Variants in NCBP1 observed in about 807,000 individuals in gnomAD.
NCBP1 encodes nuclear cap binding protein subunit 1.
Under a neutral mutation model 111.7 loss-of-function variants are expected in NCBP1, and 16 were observed. The ratio of observed to expected loss-of-function variants is 0.14; its 90% CI spans 0.10 to 0.22. NCBP1 has a LOEUF of 0.22. Among genes scored for constraint, NCBP1 ranks in the 10% least tolerant of loss-of-function variants. NCBP1 has a pLI of 1.00. For synonymous variants in NCBP1, 304 were observed against 314.3 expected, an observed-to-expected ratio of 0.97 and a Z score of 0.35; for missense variants, 607 against 957.5, an observed-to-expected ratio of 0.63 and a Z score of 4.83.
chr9:97,640,724 A>C, intron 1 of NCBP1, 70 bp from the exon 2 acceptor site: 1 of 1,220,446 alleles, frequency 8.2e-7, no homozygotes, highest in Admixed American at 2.0e-5. Context: ...ATTATAACCT[A>C]AAAAGGTTAA....
rs199768033 is a variant in NCBP1, at chr9:97,641,623, C to G, written c.185C>G (p.Pro62Arg). ...GCTGGTGTTTTGGAAGCTGATCTTC[C>G]TAACTACAAGAGCAAGATCTTAAGG... is the stretch of plus-strand genomic sequence containing the variant. ...GLAGVLEADLPNYKSKILRLL... is the reference protein window; with the variant it reads ...GLAGVLEADLRNYKSKILRLL... The change falls in exon 3 of 23, where the codon CCT (proline) becomes CGT (arginine). Residue 62 changes from proline (P) to arginine (R), a missense_variant. This residue lies in a region of NCBP1 where 185 missense variants were observed against 272.0 expected (regional missense o/e 0.68). Transcript: ENST00000375147. 3 of 1,609,728 alleles carry G rather than the reference C, an allele frequency of 1.9e-6. No individual in the cohort carries two copies. The highest frequency in any genetic ancestry group is 2.5e-6 in the Non-Finnish European group (3 of 1,176,572).
Position 97,666,821 on chromosome 9 carries a change from A to G in NCBP1, c.1960A>G (p.Lys654Glu), listed in dbSNP as rs2131367766. 6.2e-7 allele frequency: 1 copy of G among 1,610,804 alleles called. No homozygotes were observed. The highest frequency in any genetic ancestry group is 2.2e-5 in the East Asian group (1 of 44,710). The change falls in exon 20 of 23, where the codon AAG (lysine) becomes GAG (glutamate). Residue 654 changes from lysine to glutamate, a missense_variant. This residue lies in a region of NCBP1 where 282 missense variants were observed against 376.5 expected (regional missense o/e 0.75). Coordinates refer to ENST00000375147, the MANE Select transcript of NCBP1 (RefSeq NM_002486.5). ...TCGTAAGATGAACAAACATGTCCTG[A>G]AGATCCAGAAAGAGCTGGAAGAAGC... is the stretch of plus-strand genomic sequence containing the variant. The part of the protein sequence containing the change: ...TIRKMNKHVL[K>E]IQKELEEAKE...
At chr9:97,670,122 C>G (rs1301570539) in intron 22 of NCBP1, 1 of 306,570 alleles carries the variant, frequency 3.3e-6, no homozygotes. Flanking sequence ...AGAGTTTCAC[C>G]ATGTTGGCCA....
intron 22 of NCBP1, among the ~76,000 whole-genome samples, chr9:97,670,283 C>T (rs1828149110): frequency 6.6e-6 from 1 of 152,124 alleles, no homozygotes; most frequent in Admixed American, 6.6e-5. Flanking sequence ...ACAAAAATAT[C>T]AAGAGGACAG....
At chr9:97,658,807 T>G in intron 15 of NCBP1, 64 bp downstream of exon 15, 2 of 1,257,638 alleles carry the variant, frequency 1.6e-6, no homozygotes, top group Non-Finnish European at 2.3e-6. Flanking sequence ...CTGAAGTTAG[T>G]TGTTTAAAGT....
At chr9:97,652,213 A>G (rs2131345390) in intron 10 of NCBP1, among the ~76,000 whole-genome samples, 1 of 152,340 alleles carries the variant, frequency 6.6e-6, no homozygotes, top group Admixed American at 6.5e-5. Context: ...CATATTGGCC[A>G]GGCTGGTCTT....
chr9:97,641,803 A>T (rs913402582), intron 3 of NCBP1, 141 bp downstream of exon 3: 1 of 953,982 alleles, frequency 1.0e-6, no homozygotes, highest in African/African-American at 1.7e-5. Flanking sequence ...AAATGAGCCA[A>T]CCTTTGGCGC....
chr9:97,651,149 CAG>C (rs1306807603), intron 9 of NCBP1, among the ~76,000 whole-genome samples, 159 bp from the exon 10 acceptor site: 1 of 152,104 alleles, frequency 6.6e-6, no homozygotes, highest in African/African-American at 2.4e-5. Context: ...TTGTGGTAGA[CAG>C]AATAATTTAT....
At chr9:97,667,385 C>T (rs1353011837) in intron 20 of NCBP1, among the ~76,000 whole-genome samples, 1 of 152,062 alleles carries the variant, frequency 6.6e-6, no homozygotes, top group Admixed American at 6.6e-5. Flanking sequence ...AAAGTATTTT[C>T]CAGTGTTATG....
At position 97,641,435 on chromosome 9, in the gene NCBP1, G is replaced by A. The variant is rs1827201704; in HGVS notation, c.124-127G>A. The A allele has an allele frequency of 5.8e-6, 4 of 689,966 alleles. No homozygotes were observed. In the South Asian group the frequency reaches 2.1e-4, roughly 35 times the overall value. The allele number at this position is 689,966 out of a possible 1,614,324, so 42.7% of individuals were successfully genotyped here. On this transcript the variant is annotated intron_variant, in intron 2 of 22. Coordinates refer to ENST00000375147, the MANE Select transcript of NCBP1 (RefSeq NM_002486.5). ...CACTAAAATAGCAATTGAAAGGACA[G>A]ATGATTGGTAATGATTTTAAAATGA... is the stretch of plus-strand genomic sequence containing the variant.
chr9:97,661,737 T>G (rs1004811912), intron 16 of NCBP1, among the ~76,000 whole-genome samples: 14 of 151,248 alleles, frequency 9.3e-5, no homozygotes, highest in African/African-American at 2.2e-4. Context: ...TAAGTGTTTT[T>G]TTTTTTTTTT....
intron 5 of NCBP1, 51 bp downstream of exon 5, chr9:97,645,275 A>T (rs764694126): frequency 7.3e-7 from 1 of 1,378,466 alleles, no homozygotes; most frequent in South Asian, 1.2e-5. Context: ...GGGGTTACTG[A>T]ATCCTGGTAC....
In NCBP1 at chr9:97,647,511, G is replaced by A. The variant is rs946708135; in HGVS notation, c.631G>A (p.Val211Ile). 2.5e-6 allele frequency: 4 copies of A among 1,613,014 alleles called. No individual in the cohort carries two copies. Among genetic ancestry groups the A allele is most frequent in the Non-Finnish European group, 3.4e-6 (4 of 1,179,308 alleles). Reference protein sequence around the residue: ...SYLKRRQKTHVPMLQVWTADK... With the variant: ...SYLKRRQKTHIPMLQVWTADK... ...CTTTAGAAGACGCCAAAAGACTCAT[G>A]TACCCATGTTACAGGTATGGACTGC... is the stretch of plus-strand genomic sequence containing the variant. Residue 211 changes from valine (V) to isoleucine (I), a missense_variant, in exon 7 of 23, where the codon GTA (valine) becomes ATA (isoleucine). By Grantham distance (29) the Val-to-Ile change is conservative (BLOSUM62 3). This residue lies in a region of NCBP1 where 185 missense variants were observed against 272.0 expected (regional missense o/e 0.68). Transcript: ENST00000375147.
Position 97,650,529 on chromosome 9 carries a change from A to G in NCBP1, c.924A>G (p.Ser308=), listed in dbSNP as rs1458195732. Residue 308 remains serine, a synonymous_variant, in exon 9 of 23, where the codon TCA becomes TCG. Transcript: ENST00000375147. The part of the protein sequence containing the change: ...PEGPVMPGSH[S]VERFVIEENL... ...GTCCTGTCATGCCAGGGAGTCATTC[A>G]GTGGAAAGATTTGTAATAGAAGAGA... 1 of 1,613,462 alleles carries G rather than the reference A, an allele frequency of 6.2e-7. No individual in the cohort carries two copies. The highest frequency in any genetic ancestry group is 2.2e-5 in the East Asian group (1 of 44,812).
At chr9:97,658,803 T>A (rs1210501319) in intron 15 of NCBP1, 60 bp downstream of exon 15, 2 of 1,305,132 alleles carry the variant, frequency 1.5e-6, no homozygotes, top group South Asian at 1.2e-5. Context: ...ATATCTGAAG[T>A]TAGTTGTTTA....
intron 10 of NCBP1, 41 bp downstream of exon 10, chr9:97,651,414 C>A: frequency 6.4e-7 from 1 of 1,560,288 alleles, no homozygotes; most frequent in Non-Finnish European, 8.8e-7. Flanking sequence ...GTTTCAGAAT[C>A]TTTCTGTTGG....
rs370754081 is a variant in NCBP1 at position 97,651,267 on chromosome 9, G to T, written c.996-43G>T. 334 of 1,513,664 alleles carry T rather than the reference G, an allele frequency of 2.2e-4. No homozygotes were observed. In the African/African-American group the frequency reaches 4.3e-3, roughly 20 times the overall value. 93.8% of individuals were successfully genotyped at this position (1,513,664 alleles called of 1,614,324 possible). A position where few individuals can be genotyped will look rare whatever the true frequency, so the allele number is the denominator to read the frequency against. ...TGAAACTGCTTATTTGACTTTTCTT[G>T]TGTCTTCGTATACTTATTAAACTTA... On this transcript the variant is annotated intron_variant, in intron 9 of 22. Coordinates refer to ENST00000375147, the MANE Select transcript of NCBP1 (RefSeq NM_002486.5).
At chr9:97,660,333 A>G (rs1827795428) in intron 15 of NCBP1, among the ~76,000 whole-genome samples, 1 of 152,202 alleles carries the variant, frequency 6.6e-6, no homozygotes, top group Non-Finnish European at 1.5e-5. Flanking sequence ...CTTACGGTGT[A>G]TATTAGCACA....
intron 14 of NCBP1, among the ~76,000 whole-genome samples, chr9:97,658,326 A>C (rs536634334): frequency 8.3e-4 from 127 of 152,238 alleles, no homozygotes; most frequent in African/African-American, 3.0e-3. Context: ...ATATTTATTT[A>C]TTTGATAGAA....
Sources: gnomAD v4.1 joint callset for allele counts (sites outside exome capture counted in the v4.1 genomes callset) on GRCh38, gnomAD v4.1.1 for gene constraint, gnomAD v4.1.1 regional missense constraint, MANE v1.5 for transcripts, NCBI Gene and HGNC (gene_info 2026-07-23, HGNC 2026-07-21) for gene names.